FRMD5: variants seen among roughly 807,000 people sequenced by gnomAD.
FRMD5 encodes the protein FERM domain-containing protein 5.
A neutral mutation model predicts 69.0 loss-of-function variants in FRMD5; 20 were observed. That is an observed-to-expected ratio of 0.29 (90% confidence interval 0.20 to 0.42). The LOEUF (loss-of-function observed/expected upper bound fraction) is 0.42, where lower values mean the gene tolerates loss of function less well. FRMD5 is among the 10% of genes least tolerant of loss of function. The pLI, the probability that FRMD5 is intolerant of heterozygous loss-of-function variation, is 1.00. For synonymous variants in FRMD5, 271 were observed against 260.1 expected, an observed-to-expected ratio of 1.04 and a Z score of -0.40; for missense variants, 595 against 708.6, an observed-to-expected ratio of 0.84 and a Z score of 1.82.
Position 44,115,836 on chromosome 15 carries a change from C to T in FRMD5, c.102+79117G>A, listed in dbSNP as rs149253658. ...CAAAGGTAGGTGCAGTTTCAGGCAG[C>T]TGCAAACGTAGAGTCAATTGAATAA... On this transcript the variant is annotated intron_variant, in intron 1 of 13. Coordinates refer to ENST00000417257, the MANE Select transcript of FRMD5 (RefSeq NM_032892.5). Among the ~76,000 whole-genome samples, 1,018 of 152,270 alleles carry T rather than the reference C, an allele frequency of 6.7e-3. 11 individuals are homozygous for T. Among genetic ancestry groups the T allele is most frequent in the African/African-American group, 0.024 (979 of 41,552 alleles).
intron 1 of FRMD5, among the ~76,000 whole-genome samples, chr15:44,014,932 T>C (rs1890889389): frequency 6.6e-6 from 1 of 152,162 alleles, no homozygotes. Flanking sequence ...ATAGGTTTCC[T>C]AGGGATGAAA....
chr15:44,111,541 T>C (rs1298492020), intron 1 of FRMD5, among the ~76,000 whole-genome samples: 2 of 152,248 alleles, frequency 1.3e-5, no homozygotes, highest in East Asian at 1.9e-4. Flanking sequence ...TCACTGCGTA[T>C]GCATTCCTTC....
chr15:44,168,840 C>T (rs576873543), intron 1 of FRMD5, among the ~76,000 whole-genome samples: 1 of 152,296 alleles, frequency 6.6e-6, no homozygotes, highest in South Asian at 2.1e-4. Context: ...GCGCTAGGAT[C>T]CTCTTCTGCC....
chr15:44,010,092 A>G (rs1890645384), intron 1 of FRMD5, among the ~76,000 whole-genome samples: 1 of 152,350 alleles, frequency 6.6e-6, no homozygotes, highest in Admixed American at 6.5e-5. Context: ...TCTATTTATA[A>G]GGGAATTATC....
chr15:43,960,086 T>A (rs2090172865), intron 1 of FRMD5, among the ~76,000 whole-genome samples: 1 of 151,504 alleles, frequency 6.6e-6, no homozygotes, highest in African/African-American at 2.4e-5. Flanking sequence ...CCCAGCTAAT[T>A]TTGTTTTGTT....
At chr15:44,049,715 A>G (rs1211296135) in intron 1 of FRMD5, among the ~76,000 whole-genome samples, 1 of 152,114 alleles carries the variant, frequency 6.6e-6, no homozygotes, top group Admixed American at 6.5e-5. Flanking sequence ...AACAAATGTT[A>G]TTTAATACCT....
chr15:44,050,783 T>C (rs925592569), intron 1 of FRMD5, among the ~76,000 whole-genome samples: 3 of 151,390 alleles, frequency 2.0e-5, no homozygotes, highest in East Asian at 2.0e-4. Flanking sequence ...TCCACCACAC[T>C]GGTAGCTGGG....
intron 1 of FRMD5, among the ~76,000 whole-genome samples, chr15:43,960,207 G>A (rs1472207416): frequency 6.6e-6 from 1 of 152,156 alleles, no homozygotes; most frequent in Non-Finnish European, 1.5e-5. Flanking sequence ...TCCTGCCTCA[G>A]CCTCCCAAGT....
chr15:44,040,097 GA>G (rs1892121100), intron 1 of FRMD5, among the ~76,000 whole-genome samples: 1 of 151,976 alleles, frequency 6.6e-6, no homozygotes. Flanking sequence ...TGAACTCAAT[GA>G]AATAAAGCAA....
At position 43,905,924 on chromosome 15, in the gene FRMD5, T is replaced by C; in HGVS notation, c.455A>G (p.Lys152Arg). The C allele has an allele frequency of 6.2e-7, 1 of 1,614,034 alleles. No homozygotes were observed. Among genetic ancestry groups the C allele is most frequent in the Non-Finnish European group, 8.5e-7 (1 of 1,179,854 alleles). ...CTTGGAGCTGTAGCCTTCAGGGTGTTTCCCTGAGTCATAATCCCCAATCTC... is the reference window on the plus strand; with the variant it reads ...CTTGGAGCTGTAGCCTTCAGGGTGTCTCCCTGAGTCATAATCCCCAATCTC... The part of the protein sequence containing the change: ...QAEIGDYDSG[K>R]HPEGYSSKFQ... Residue 152 changes from lysine (K) to arginine (R), a missense_variant, in exon 6 of 14, where the codon AAA becomes AGA. Physicochemically the swap from Lys to Arg is conservative, Grantham distance 26. Around this residue, in one of 5 missense-constraint regions of FRMD5, gnomAD observed 51 missense variants for 41.7 expected, o/e 1.22. Coordinates refer to ENST00000417257, the MANE Select transcript of FRMD5 (RefSeq NM_032892.5).
chr15:44,108,501 G>A (rs745800517), intron 1 of FRMD5, among the ~76,000 whole-genome samples: 1 of 151,956 alleles, frequency 6.6e-6, no homozygotes, highest in African/African-American at 2.4e-5. Context: ...AAAATTAGCC[G>A]AGCGTGGTGG....
chr15:44,061,484 A>G (rs780609531), intron 1 of FRMD5, among the ~76,000 whole-genome samples: 15 of 152,204 alleles, frequency 9.9e-5, no homozygotes, highest in Admixed American at 2.0e-4. Context: ...GTCTCTCACT[A>G]TTAGTCTGGC....
At chr15:43,972,033 T>TA (rs1043878663) in intron 1 of FRMD5, among the ~76,000 whole-genome samples, 1 of 146,718 alleles carries the variant, frequency 6.8e-6, no homozygotes, top group Non-Finnish European at 1.5e-5. Context: ...TCATCTCTAT[T>TA]AAAAAAATAT....
intron 1 of FRMD5, among the ~76,000 whole-genome samples, chr15:44,164,958 G>C (rs971798611): frequency 2.0e-5 from 3 of 152,238 alleles, no homozygotes; most frequent in African/African-American, 7.2e-5. Context: ...CGGAGGTGGA[G>C]GCAGCAGTGT....
At chr15:44,056,326 G>C (rs1892867579) in intron 1 of FRMD5, among the ~76,000 whole-genome samples, 1 of 152,196 alleles carries the variant, frequency 6.6e-6, no homozygotes, top group African/African-American at 2.4e-5. Context: ...TTAAATGAAA[G>C]AGAGTAGGGC....
chr15:43,908,833 C>G (rs1474229060), intron 5 of FRMD5, among the ~76,000 whole-genome samples: 2 of 152,160 alleles, frequency 1.3e-5, no homozygotes, highest in African/African-American at 4.8e-5. Context: ...CTTGGAAACA[C>G]TTTCAACTTT....
At chr15:44,085,611 C>G (rs1029830220) in intron 1 of FRMD5, among the ~76,000 whole-genome samples, 3 of 152,030 alleles carry the variant, frequency 2.0e-5, no homozygotes, top group South Asian at 4.2e-4. Context: ...TATCTCAAAC[C>G]AAGTCTGGGC....
chr15:43,915,310 G>T (rs749321061), intron 4 of FRMD5, among the ~76,000 whole-genome samples: 1 of 152,244 alleles, frequency 6.6e-6, no homozygotes, highest in East Asian at 1.9e-4. Flanking sequence ...CATATGGCCC[G>T]ACAAGCCAAA....
At chr15:44,070,901 A>C (rs970027634) in intron 1 of FRMD5, among the ~76,000 whole-genome samples, 3 of 152,172 alleles carry the variant, frequency 2.0e-5, no homozygotes, top group Admixed American at 2.0e-4. Flanking sequence ...TTCAAACGTT[A>C]GTCTTGGTTC....
Sources: allele counts gnomAD v4.1 joint callset (sites outside exome capture counted in the v4.1 genomes callset), GRCh38; gene constraint gnomAD v4.1.1; regional missense constraint gnomAD v4.1.1; transcripts MANE v1.5; gene names NCBI Gene and HGNC (gene_info 2026-07-23, HGNC 2026-07-21).